Variants in PREX1 observed in about 807,000 individuals in gnomAD.
PREX1 encodes phosphatidylinositol 3,4,5-trisphosphate-dependent Rac exchanger 1 protein.
Under a neutral mutation model 198.3 loss-of-function variants are expected in PREX1, and 41 were observed. That is an observed-to-expected ratio of 0.21 (90% CI 0.16 to 0.27). PREX1 has a LOEUF of 0.27. Among genes scored for constraint, PREX1 ranks in the 10% least tolerant of loss-of-function variants. The pLI is 1.00. For synonymous variants in PREX1, 843 were observed against 887.2 expected, an observed-to-expected ratio of 0.95 and a Z score of 0.89; for missense variants, 1,620 against 2,200.7, an observed-to-expected ratio of 0.74 and a Z score of 5.28.
intron 1 of PREX1, among the ~76,000 whole-genome samples, chr20:48,760,901 T>G (rs766603274): frequency 3.2e-4 from 48 of 152,288 alleles, no homozygotes; most frequent in Admixed American, 5.9e-4. Flanking sequence ...TAAGAGCCAA[T>G]GACACATCAG....
chr20:48,667,820 T>C (rs897008800), intron 14 of PREX1, among the ~76,000 whole-genome samples: 3 of 152,134 alleles, frequency 2.0e-5, no homozygotes, highest in Admixed American at 2.0e-4. Context: ...TGATCAAGGT[T>C]TGCAGCCCTC....
intron 32 of PREX1, among the ~76,000 whole-genome samples, chr20:48,636,008 A>T (rs545496989): frequency 6.6e-6 from 1 of 152,202 alleles, no homozygotes; most frequent in African/African-American, 2.4e-5. Context: ...ACCAGCCAGC[A>T]GCAGGGGCTC....
chr20:48,873,044 A>T, the PREX1 span, among the ~76,000 whole-genome samples: 2 of 151,984 alleles, frequency 1.3e-5, no homozygotes, highest in Non-Finnish European at 2.9e-5. Flanking sequence ...TTGCTCATGG[A>T]TCTGTGGATT....
chr20:48,670,142 C>T (rs995025482), intron 14 of PREX1, among the ~76,000 whole-genome samples: 4 of 152,174 alleles, frequency 2.6e-5, no homozygotes, highest in African/African-American at 7.2e-5. Context: ...GGACACCCCC[C>T]GCCACCATGC....
intron 1 of PREX1, among the ~76,000 whole-genome samples, chr20:48,823,648 C>T (rs2090497053): frequency 6.6e-6 from 1 of 152,210 alleles, no homozygotes; most frequent in Admixed American, 6.5e-5. Context: ...CAGTTCTTCC[C>T]ATTCTGTGGA....
At chr20:48,775,382 C>T (rs542538166) in intron 1 of PREX1, among the ~76,000 whole-genome samples, 5 of 152,108 alleles carry the variant, frequency 3.3e-5, no homozygotes, top group East Asian at 1.9e-4. Context: ...CTGATAAGAA[C>T]ACGTCCAGCT....
intron 1 of PREX1, among the ~76,000 whole-genome samples, chr20:48,752,995 C>G (rs2090140588): frequency 6.6e-6 from 1 of 152,164 alleles, no homozygotes; most frequent in Non-Finnish European, 1.5e-5. Context: ...ACAAGTTCCT[C>G]TAGGTGATGC....
chr20:48,730,420 C>T (rs1034598662), intron 4 of PREX1, among the ~76,000 whole-genome samples: 38 of 146,036 alleles, frequency 2.6e-4, no homozygotes, highest in African/African-American at 1.0e-3. Context: ...CCACCACACA[C>T]ACACACACAC....
At chr20:48,668,176 T>G (rs1327491995) in intron 14 of PREX1, among the ~76,000 whole-genome samples, 2 of 152,082 alleles carry the variant, frequency 1.3e-5, no homozygotes, top group Admixed American at 6.5e-5. Context: ...CATGCGCATG[T>G]GCAGGTGGGA....
At chr20:48,803,585 C>T (rs891413487) in intron 1 of PREX1, among the ~76,000 whole-genome samples, 5 of 152,178 alleles carry the variant, frequency 3.3e-5, no homozygotes, top group African/African-American at 9.7e-5. Flanking sequence ...CTGCAACACA[C>T]AGGGCCACAC....
the PREX1 span, among the ~76,000 whole-genome samples, chr20:48,873,014 A>G: frequency 8.6e-5 from 13 of 152,032 alleles, no homozygotes; most frequent in African/African-American, 3.1e-4. Context: ...TTGGCTACAT[A>G]ACAAACTCTC....
At chr20:48,677,422 C>T (rs2089717239) in intron 13 of PREX1, among the ~76,000 whole-genome samples, 1 of 152,118 alleles carries the variant, frequency 6.6e-6, no homozygotes, top group African/African-American at 2.4e-5. Context: ...ATCAGGTCAC[C>T]CTCTCTCCCT....
chr20:48,874,007 C>T, the PREX1 span, among the ~76,000 whole-genome samples: 1 of 152,262 alleles, frequency 6.6e-6, no homozygotes, highest in African/African-American at 2.4e-5. Flanking sequence ...TCTCAGCCTC[C>T]CGAGTAGCTG....
intron 4 of PREX1, 33 bp from the exon 5 acceptor site, chr20:48,726,424 A>C (rs376882681): frequency 9.4e-5 from 144 of 1,532,974 alleles, no homozygotes; most frequent in Middle Eastern, 3.4e-4. Flanking sequence ...CATGAAACCC[A>C]CCAAGGATAG....
chr20:48,683,626 C>T (rs1361474182), intron 10 of PREX1, among the ~76,000 whole-genome samples: 1 of 152,188 alleles, frequency 6.6e-6, no homozygotes, highest in Non-Finnish European at 1.5e-5. Context: ...CCGGGGCCTG[C>T]CGTGTCTAAA....
At chr20:48,714,550 C>T (rs1362343836) in intron 5 of PREX1, among the ~76,000 whole-genome samples, 6 of 152,060 alleles carry the variant, frequency 3.9e-5, no homozygotes, top group African/African-American at 1.2e-4. Context: ...CAAAACAAAA[C>T]CAAAATGAGA....
intron 1 of PREX1, among the ~76,000 whole-genome samples, chr20:48,813,983 G>T (rs1005773636): frequency 7.2e-5 from 11 of 152,210 alleles, no homozygotes; most frequent in African/African-American, 2.4e-4. Flanking sequence ...CAACAGCTTG[G>T]TGGGCCACTG....
intron 13 of PREX1, among the ~76,000 whole-genome samples, chr20:48,678,603 A>G (rs1198757261): frequency 6.6e-6 from 1 of 152,238 alleles, no homozygotes; most frequent in Non-Finnish European, 1.5e-5. Context: ...CCAGTGGGAA[A>G]CTACTGAATC....
intron 36 of PREX1, 62 bp from the exon 37 acceptor site, chr20:48,629,683 C>G: frequency 6.5e-7 from 1 of 1,542,390 alleles, no homozygotes; most frequent in East Asian, 2.3e-5. Flanking sequence ...CCTCAGCCCC[C>G]ATCTGGCCCT....
Sources: allele counts gnomAD v4.1 joint callset (sites outside exome capture counted in the v4.1 genomes callset), GRCh38; gene constraint gnomAD v4.1.1; transcripts MANE v1.5; gene names NCBI Gene and HGNC (gene_info 2026-07-23, HGNC 2026-07-21).